ADGRL3: variants seen among roughly 807,000 people sequenced by gnomAD.
ADGRL3 encodes adhesion G protein-coupled receptor L3.
A neutral mutation model predicts 153.5 loss-of-function variants in ADGRL3; 62 were observed. The ratio of observed to expected loss-of-function variants is 0.40; its 90% CI spans 0.33 to 0.50. The LOEUF (loss-of-function observed/expected upper bound fraction) is 0.50, where lower values mean the gene tolerates loss of function less well. Ranked by LOEUF, ADGRL3 falls within the 20% of genes least tolerant of loss-of-function variation. The probability of loss-of-function intolerance (pLI) is 0.47; values close to 1 mark genes in which losing one functional copy is unlikely to be tolerated. For synonymous variants in ADGRL3, 710 were observed against 672.5 expected, an observed-to-expected ratio of 1.06 and a Z score of -0.86; for missense variants, 1,641 against 1,859.4, an observed-to-expected ratio of 0.88 and a Z score of 2.16.
rs541520608 is a variant in ADGRL3, at chr4:61,783,997, G to A, written c.1400-29812G>A. Among the ~76,000 whole-genome samples, 7 of 152,104 alleles carry A rather than the reference G, an allele frequency of 4.6e-5. No individual in the cohort carries two copies. The East Asian group carries it at 5.8e-4, about 13-fold the overall frequency. On this transcript the variant is annotated intron_variant, in intron 8 of 26. Transcript: ENST00000683033. ...ATGACTTGACCTAATATAATGTAAC[G>A]TCCTCACAAGTAGCTTGAATTACCC...
intron 5 of ADGRL3, among the ~76,000 whole-genome samples, chr4:61,653,284 C>G (rs1218445060): frequency 1.3e-5 from 2 of 152,092 alleles, no homozygotes; most frequent in African/African-American, 4.8e-5. Flanking sequence ...ACCAAGCCTG[C>G]TGGGCCTTGC....
chr4:61,315,562 G>T (rs879418405), intron 1 of ADGRL3, among the ~76,000 whole-genome samples: 1 of 152,172 alleles, frequency 6.6e-6, no homozygotes, highest in African/African-American at 2.4e-5. Flanking sequence ...TCCTGGTGGA[G>T]AAGGAGGGGC....
chr4:61,610,722 C>T (rs1234176066), intron 5 of ADGRL3, among the ~76,000 whole-genome samples: 1 of 151,768 alleles, frequency 6.6e-6, no homozygotes, highest in Admixed American at 6.6e-5. Context: ...ATCTGCTTGT[C>T]GGTGGACAGA....
In ADGRL3 at chr4:61,676,908, G is replaced by C. The variant is rs1428668840; in HGVS notation, c.556G>C (p.Glu186Gln). The change falls in exon 6 of 27, where the codon GAA becomes CAA. Residue 186 changes from glutamate (E) to glutamine (Q), a missense_variant. Transcript: ENST00000683033. ...GTGTCCAGGAACCTATAAATACCTT[G>C]AAGTGCAGTATGAATGTGTCCCTTA... Reference protein sequence around the residue: ...DPCPGTYKYLEVQYECVPYKV... With the variant: ...DPCPGTYKYLQVQYECVPYKV... 2 of 1,611,240 alleles carry C rather than the reference G, an allele frequency of 1.2e-6. No homozygotes were observed. Among genetic ancestry groups the C allele is most frequent in the Non-Finnish European group, 8.5e-7 (1 of 1,177,840 alleles).
intron 2 of ADGRL3, among the ~76,000 whole-genome samples, chr4:61,420,011 AG>A (rs1352980905): frequency 6.6e-6 from 1 of 152,042 alleles, no homozygotes; most frequent in Non-Finnish European, 1.5e-5. Flanking sequence ...CATGTTGGCC[AG>A]GCTGGTCTCA....
chr4:61,352,632 G>A (rs1216826969), intron 1 of ADGRL3, among the ~76,000 whole-genome samples: 1 of 152,030 alleles, frequency 6.6e-6, no homozygotes, highest in Admixed American at 6.5e-5. Flanking sequence ...TGATCCACCC[G>A]CCTCGGCCTC....
chr4:61,981,123 G>A (rs959131542), intron 18 of ADGRL3, among the ~76,000 whole-genome samples: 3 of 151,926 alleles, frequency 2.0e-5, no homozygotes, highest in Non-Finnish European at 1.5e-5. Flanking sequence ...ACATTTCTTC[G>A]GAAATTATTT....
chr4:61,996,430 C>G, intron 20 of ADGRL3, 73 bp downstream of exon 20: 1 of 1,024,766 alleles, frequency 9.8e-7, no homozygotes, highest in Non-Finnish European at 1.5e-6. Context: ...TACTGACTGT[C>G]TTTAATTTAC....
chr4:61,980,967 A>T (rs1383114511), intron 18 of ADGRL3, among the ~76,000 whole-genome samples: 1 of 152,176 alleles, frequency 6.6e-6, no homozygotes, highest in Non-Finnish European at 1.5e-5. Context: ...TTGTGTGGAC[A>T]TATGTTTTTA....
At chr4:61,517,088 T>G (rs2098500804) in intron 3 of ADGRL3, among the ~76,000 whole-genome samples, 1 of 152,144 alleles carries the variant, frequency 6.6e-6, no homozygotes, top group African/African-American at 2.4e-5. Context: ...TTTTTTTTTT[T>G]TTTTAGCTTA....
chr4:61,909,713 G>C lies in ADGRL3; in HGVS notation c.2041G>C (p.Gly681Arg). Reference sequence around the variant, plus strand: ...ACAGCTTCGGAACTTGACCCCAGGTGGAAAAGATAGTGCTGCCCGGAGTTT... The same window carrying C: ...ACAGCTTCGGAACTTGACCCCAGGTCGAAAAGATAGTGCTGCCCGGAGTTT... The part of the protein sequence containing the change: ...DVQLRNLTPG[G>R]KDSAARSLNK... The change falls in exon 12 of 27, where the codon GGA becomes CGA. Residue 681 changes from glycine (G) to arginine (R), a missense_variant. By Grantham distance (125) the Gly-to-Arg change is moderately radical. Coordinates refer to ENST00000683033, the MANE Select transcript of ADGRL3 (RefSeq NM_001387552.1). 1 of 1,573,040 alleles carries C rather than the reference G, an allele frequency of 6.4e-7. No homozygotes were observed. The highest frequency in any genetic ancestry group is 8.6e-7 in the Non-Finnish European group (1 of 1,158,952).
chr4:61,551,048 A>T (rs993033706), intron 4 of ADGRL3, among the ~76,000 whole-genome samples: 2 of 152,110 alleles, frequency 1.3e-5, no homozygotes, highest in African/African-American at 4.8e-5. Flanking sequence ...GATATTAATC[A>T]CGTGGTAGCT....
At chr4:61,657,047 C>T (rs905137558) in intron 5 of ADGRL3, among the ~76,000 whole-genome samples, 3 of 152,078 alleles carry the variant, frequency 2.0e-5, no homozygotes, top group Admixed American at 6.6e-5. Context: ...TATTTGCAAA[C>T]GTGTTTATTT....
At chr4:61,850,277 A>T (rs2098186456) in intron 9 of ADGRL3, among the ~76,000 whole-genome samples, 1 of 152,142 alleles carries the variant, frequency 6.6e-6, no homozygotes, top group Admixed American at 6.5e-5. Flanking sequence ...ATAGACACTG[A>T]ATCTTAGAGA....
chr4:61,781,210 C>A (rs1305589621), intron 8 of ADGRL3, among the ~76,000 whole-genome samples: 1 of 151,600 alleles, frequency 6.6e-6, no homozygotes, highest in African/African-American at 2.4e-5. Flanking sequence ...CCTGTAATCC[C>A]AGCTACTTGG....
At chr4:61,368,513 A>G (rs1387124242) in intron 1 of ADGRL3, among the ~76,000 whole-genome samples, 9 of 151,884 alleles carry the variant, frequency 5.9e-5, no homozygotes, top group Non-Finnish European at 1.5e-5. Flanking sequence ...TGTTTTTCTC[A>G]GGTTTGTCAA....
At chr4:61,595,879 C>A (rs1283635684) in intron 5 of ADGRL3, among the ~76,000 whole-genome samples, 1 of 152,128 alleles carries the variant, frequency 6.6e-6, no homozygotes, top group Non-Finnish European at 1.5e-5. Context: ...CCAAATGCTC[C>A]CTTCTTGTGT....
intron 18 of ADGRL3, among the ~76,000 whole-genome samples, chr4:61,982,271 A>G (rs1174317032): frequency 6.6e-6 from 1 of 152,188 alleles, no homozygotes. Context: ...TTGATATGAA[A>G]AACATGGGTA....
intron 13 of ADGRL3, among the ~76,000 whole-genome samples, chr4:61,931,969 GTTCCTGAATCTGTT>G (rs1179642530): frequency 6.6e-6 from 1 of 151,868 alleles, no homozygotes. Context: ...TTGTAAACAG[GTTCCTGAATCTGTT>G]CATTAGTTTA....
Sources: gnomAD v4.1 joint callset for allele counts (sites outside exome capture counted in the v4.1 genomes callset) on GRCh38, gnomAD v4.1.1 for gene constraint, MANE v1.5 for transcripts, NCBI Gene and HGNC (gene_info 2026-07-23, HGNC 2026-07-21) for gene names.